Variants in LARGE1 observed in about 807,000 individuals in gnomAD.
The protein encoded by LARGE1 is xylosyl- and glucuronyltransferase LARGE1.
LARGE1 carries 43 observed loss-of-function variants against 87.6 expected under a neutral mutation model. The ratio of observed to expected loss-of-function variants is 0.49; its 90% CI spans 0.38 to 0.63. The LOEUF is 0.63. Among genes scored for constraint, LARGE1 ranks in the 30% least tolerant of loss-of-function variants. LARGE1 has a pLI of 0.00. For missense variants in LARGE1, 802 were observed against 1,000.2 expected (o/e 0.80, Z 2.67); for synonymous variants, 434 against 394.6 (o/e 1.10, Z -1.18).
chr22:33,811,981 G>C (rs1398403594), intron 1 of LARGE1, among the ~76,000 whole-genome samples: 3 of 152,166 alleles, frequency 2.0e-5, no homozygotes, highest in Non-Finnish European at 2.9e-5. Flanking sequence ...AAGTAAGAGA[G>C]GAACAAGGAA....
At chr22:33,641,670 G>A (rs1042571457) in intron 3 of LARGE1, among the ~76,000 whole-genome samples, 1 of 152,170 alleles carries the variant, frequency 6.6e-6, no homozygotes, top group South Asian at 2.1e-4. Context: ...AAAATAACCA[G>A]TTTAGAGAAG....
chr22:33,168,342 A>T (rs1922384489), intron 11 of LARGE1, among the ~76,000 whole-genome samples: 1 of 152,184 alleles, frequency 6.6e-6, no homozygotes, highest in South Asian at 2.1e-4. Context: ...GAGTAGCTGT[A>T]TATATAAGGC....
chr22:33,894,740 G>T (rs1473120722), intron 1 of LARGE1, among the ~76,000 whole-genome samples: 1 of 152,024 alleles, frequency 6.6e-6, no homozygotes, highest in South Asian at 2.1e-4. Context: ...ACAAGGAAAT[G>T]AACCTCATTT....
chr22:33,284,694 CA>C (rs1323156721), intron 12 of LARGE1, among the ~76,000 whole-genome samples: 3 of 152,156 alleles, frequency 2.0e-5, no homozygotes, highest in Admixed American at 2.0e-4. Context: ...TCTCCTGTCT[CA>C]GTCTCCCGAG....
intron 1 of LARGE1, among the ~76,000 whole-genome samples, chr22:33,812,306 G>T (rs970699488): frequency 6.6e-6 from 1 of 152,164 alleles, no homozygotes; most frequent in Admixed American, 6.5e-5. Flanking sequence ...CCTTCTCACG[G>T]TTCTGACACA....
intron 11 of LARGE1, among the ~76,000 whole-genome samples, chr22:33,177,985 G>T (rs1379078852): frequency 6.6e-6 from 1 of 152,126 alleles, no homozygotes; most frequent in Non-Finnish European, 1.5e-5. Context: ...TGTGAAGAAG[G>T]TACCTTGCTT....
chr22:33,627,296 G>A (rs1214259810), intron 3 of LARGE1, among the ~76,000 whole-genome samples: 2 of 152,182 alleles, frequency 1.3e-5, no homozygotes, highest in Non-Finnish European at 2.9e-5. Context: ...CCACTCTAGG[G>A]CATCCCCGAC....
chr22:33,097,980 CTT>C, the LARGE1 span, among the ~76,000 whole-genome samples: 1 of 152,188 alleles, frequency 6.6e-6, no homozygotes, highest in Non-Finnish European at 1.5e-5. Flanking sequence ...CTTCATAAAA[CTT>C]TTATTGAAAT....
At chr22:33,882,842 C>T (rs934832410) in intron 1 of LARGE1, among the ~76,000 whole-genome samples, 2 of 152,148 alleles carry the variant, frequency 1.3e-5, no homozygotes, top group Non-Finnish European at 2.9e-5. Context: ...GAGCCCCAAA[C>T]GATGGGGTTT....
chr22:33,703,860 T>C (rs2149378895), intron 2 of LARGE1, among the ~76,000 whole-genome samples: 1 of 152,338 alleles, frequency 6.6e-6, no homozygotes, highest in Non-Finnish European at 1.5e-5. Context: ...AAGTTTATGG[T>C]GATTTGATAC....
chr22:33,676,192 A>C (rs190561666), intron 2 of LARGE1, among the ~76,000 whole-genome samples: 111 of 152,186 alleles, frequency 7.3e-4, no homozygotes, highest in African/African-American at 2.6e-3. Context: ...GACTTAGGTC[A>C]CAGCTTGAGT....
intron 12 of LARGE1, among the ~76,000 whole-genome samples, chr22:33,301,734 T>C (rs1328937261): frequency 2.0e-5 from 3 of 152,154 alleles, no homozygotes; most frequent in African/African-American, 7.2e-5. Flanking sequence ...ACCACATACC[T>C]TCCTGTGATA....
chr22:33,482,240 CTA>C (rs2069361190), intron 6 of LARGE1, among the ~76,000 whole-genome samples: 1 of 152,214 alleles, frequency 6.6e-6, no homozygotes, highest in Non-Finnish European at 1.5e-5. Flanking sequence ...CTCGGAGACT[CTA>C]TCCCTCTTGC....
chr22:33,465,589 A>G (rs1470995988), intron 6 of LARGE1, among the ~76,000 whole-genome samples: 2 of 151,354 alleles, frequency 1.3e-5, no homozygotes, highest in African/African-American at 4.9e-5. Context: ...TCTGCAGAAA[A>G]CCTCCAGGTG....
At chr22:33,124,356 A>AGAAG in the LARGE1 span, among the ~76,000 whole-genome samples, 1,315 of 68,456 alleles carry the variant, frequency 0.019, 97 homozygotes, top group African/African-American at 0.053. Flanking sequence ...AAGAAAGGAA[A>AGAAG]GAAGGAAGGA....
At chr22:33,636,606 C>T (rs977785713) in intron 3 of LARGE1, among the ~76,000 whole-genome samples, 3 of 152,144 alleles carry the variant, frequency 2.0e-5, no homozygotes, top group African/African-American at 2.4e-5. Flanking sequence ...TGGCTCACTG[C>T]AGCCTCAAAT....
exon 12 of LARGE1, chr22:33,166,532 C>T (rs910810386): frequency 1.7e-5 from 6 of 345,036 alleles, no homozygotes; most frequent in Admixed American, 3.9e-5. Context: ...GTTCACCTGG[C>T]ATGTACCACT....
chr22:33,173,057 T>C (rs763142104), intron 11 of LARGE1, among the ~76,000 whole-genome samples: 1 of 151,912 alleles, frequency 6.6e-6, no homozygotes, highest in Non-Finnish European at 1.5e-5. Flanking sequence ...CACATAATCA[T>C]CAGATTCACC....
chr22:33,855,177 A>G (rs2063721791), intron 1 of LARGE1, among the ~76,000 whole-genome samples: 1 of 152,106 alleles, frequency 6.6e-6, no homozygotes, highest in African/African-American at 2.4e-5. Context: ...TACTAAAAAT[A>G]CAAAAAAATT....
Sources: gnomAD v4.1 joint callset for allele counts (sites outside exome capture counted in the v4.1 genomes callset) on GRCh38, gnomAD v4.1.1 for gene constraint, MANE v1.5 for transcripts, NCBI Gene and HGNC (gene_info 2026-07-23, HGNC 2026-07-21) for gene names.